The following TIAM1 variants were observed in gnomAD, a reference collection of about 807,000 sequenced individuals.
TIAM1 encodes the protein TIAM Rac1 associated GEF 1.
A neutral mutation model predicts 163.5 loss-of-function variants in TIAM1; 65 were observed. The ratio of observed to expected loss-of-function variants is 0.40; its 90% CI spans 0.33 to 0.49. TIAM1 has a LOEUF of 0.49. Among genes scored for constraint, TIAM1 ranks in the 20% least tolerant of loss-of-function variants. The pLI, the probability that TIAM1 is intolerant of heterozygous loss-of-function variation, is 0.77. For missense variants in TIAM1, 1,789 were observed against 2,044.7 expected (o/e 0.87, Z 2.41); for synonymous variants, 833 against 810.1 (o/e 1.03, Z -0.48).
At chr21:31,490,333 C>T (rs1363281643) in intron 1 of TIAM1, among the ~76,000 whole-genome samples, 1 of 152,072 alleles carries the variant, frequency 6.6e-6, no homozygotes, top group African/African-American at 2.4e-5. Flanking sequence ...TTTAAGATAC[C>T]ACACCCAAAA....
intron 2 of TIAM1, among the ~76,000 whole-genome samples, chr21:31,447,088 T>C (rs1035664055): frequency 6.6e-6 from 1 of 151,966 alleles, no homozygotes; most frequent in African/African-American, 2.4e-5. Flanking sequence ...GGTAGGATAA[T>C]AAGAAAGATA....
At chr21:31,426,193 T>A (rs1412579750) in intron 2 of TIAM1, among the ~76,000 whole-genome samples, 1 of 152,214 alleles carries the variant, frequency 6.6e-6, no homozygotes, top group Admixed American at 6.5e-5. Context: ...TCCTCCTGAG[T>A]CCCCAAAGTC....
intron 6 of TIAM1, among the ~76,000 whole-genome samples, chr21:31,235,178 T>C (rs977539611): frequency 4.6e-5 from 7 of 151,926 alleles, no homozygotes; most frequent in African/African-American, 1.2e-4. Flanking sequence ...AAAACATCAA[T>C]GATGAACAAG....
intron 16 of TIAM1, 69 bp downstream of exon 16, chr21:31,164,893 T>C (rs945997605): frequency 6.7e-7 from 1 of 1,484,692 alleles, no homozygotes; most frequent in Admixed American, 1.7e-5. Flanking sequence ...TACAGCTGTG[T>C]AGGTGACATT....
At chr21:31,412,312 T>C (rs958026208) in intron 2 of TIAM1, among the ~76,000 whole-genome samples, 1 of 152,084 alleles carries the variant, frequency 6.6e-6, no homozygotes, top group African/African-American at 2.4e-5. Context: ...GATGAGAAAT[T>C]ACTTATGGGC....
chr21:31,354,397 T>G (rs1286292888), intron 2 of TIAM1, among the ~76,000 whole-genome samples: 1 of 152,136 alleles, frequency 6.6e-6, no homozygotes, highest in Non-Finnish European at 1.5e-5. Context: ...GCAAATAATA[T>G]GCATAATGCA....
chr21:31,331,178 T>C (rs1279042744), intron 2 of TIAM1, among the ~76,000 whole-genome samples: 2 of 152,202 alleles, frequency 1.3e-5, no homozygotes, highest in African/African-American at 4.8e-5. Flanking sequence ...ACGAAGATGA[T>C]GACAAACTGT....
chr21:31,506,261 T>TATACACACACAC (rs1556009398), intron 1 of TIAM1, among the ~76,000 whole-genome samples: 1 of 148,502 alleles, frequency 6.7e-6, no homozygotes, highest in African/African-American at 2.5e-5. Context: ...CTCACACACG[T>TATACACACACAC]ACACACACAC....
chr21:31,245,084 T>C (rs2071424054), intron 6 of TIAM1, among the ~76,000 whole-genome samples: 1 of 152,106 alleles, frequency 6.6e-6, no homozygotes, highest in Non-Finnish European at 1.5e-5. Context: ...ATGATTAATA[T>C]GAGAAAGGAA....
intron 2 of TIAM1, among the ~76,000 whole-genome samples, chr21:31,330,248 G>A (rs148183326): frequency 2.1e-3 from 324 of 152,206 alleles, no homozygotes; most frequent in African/African-American, 7.4e-3. Context: ...GTTCTTCCAT[G>A]TTCTTTCATG....
chr21:31,157,676 G>A (rs1048677496), intron 16 of TIAM1, among the ~76,000 whole-genome samples: 4 of 151,674 alleles, frequency 2.6e-5, no homozygotes, highest in Admixed American at 2.0e-4. Context: ...TCCCATGTGC[G>A]CGTTTTTGGG....
chr21:31,263,668 A>C (rs2072602289), intron 4 of TIAM1, among the ~76,000 whole-genome samples: 1 of 152,138 alleles, frequency 6.6e-6, no homozygotes, highest in Non-Finnish European at 1.5e-5. Context: ...ACAGAGAGCC[A>C]AAATACAACA....
chr21:31,257,425 C>CT (rs2072178675), intron 4 of TIAM1, among the ~76,000 whole-genome samples: 1 of 152,132 alleles, frequency 6.6e-6, no homozygotes, highest in South Asian at 2.1e-4. Context: ...ATTGGAGAAG[C>CT]TTTATGTCTA....
At chr21:31,325,059 C>G (rs1287417510) in intron 2 of TIAM1, among the ~76,000 whole-genome samples, 2 of 151,874 alleles carry the variant, frequency 1.3e-5, no homozygotes, top group East Asian at 3.9e-4. Context: ...GCAGGCAGAT[C>G]ACTTGAGCCC....
chr21:31,551,696 C>T (rs62222875), intron 1 of TIAM1, among the ~76,000 whole-genome samples: 43,780 of 151,966 alleles, frequency 0.29, 6,465 homozygotes, highest in Middle Eastern at 0.43. Context: ...TGAGCCGTGA[C>T]TGCACTACAG....
In TIAM1 at chr21:31,388,705, T is replaced by C. The variant is rs562873101; in HGVS notation, c.-368-49283A>G. Among the ~76,000 whole-genome samples, 3 of 151,846 alleles carry C rather than the reference T, an allele frequency of 2.0e-5. No homozygotes were observed. The South Asian group carries it at 6.2e-4, about 32-fold the overall frequency. ...GAGAAAGTGGAGGGAGCCAGGAGGC[T>C]GGATGTTAAGCCCTGCTGCTTATGT... On this transcript the variant is annotated intron_variant, in intron 2 of 28. Coordinates refer to the TIAM1 transcript ENST00000286827.
At chr21:31,489,543 G>C (rs868358258) in intron 1 of TIAM1, among the ~76,000 whole-genome samples, 1 of 119,888 alleles carries the variant, frequency 8.3e-6, no homozygotes, top group Non-Finnish European at 1.7e-5. Flanking sequence ...AGGGAGGGAG[G>C]GAAAATTGTG....
At chr21:31,474,471 G>A (rs952990085) in intron 1 of TIAM1, among the ~76,000 whole-genome samples, 2 of 151,902 alleles carry the variant, frequency 1.3e-5, no homozygotes, top group Non-Finnish European at 2.9e-5. Context: ...AGGCAAGTGA[G>A]GTGTAAATGA....
chr21:31,218,371 C>T lies in TIAM1; in HGVS notation c.1996-672G>A, dbSNP rs142776261. ...TCACCTGAGGTCAGGAGTTCGAGAC[C>T]AGCCTGGCCAACATGGTGAAACCCT... On this transcript the variant is annotated intron_variant, in intron 8 of 27. Coordinates refer to ENST00000541036, the MANE Select transcript of TIAM1 (RefSeq NM_001353694.2). Among the ~76,000 whole-genome samples the T allele has an allele frequency of 2.9e-3, 443 of 152,156 alleles. 15 individuals are homozygous for T. The East Asian group carries it at 0.071, about 24-fold the overall frequency.
Sources: allele counts gnomAD v4.1 joint callset (sites outside exome capture counted in the v4.1 genomes callset), GRCh38; gene constraint gnomAD v4.1.1; transcripts MANE v1.5; gene names NCBI Gene and HGNC (gene_info 2026-07-23, HGNC 2026-07-21).